Variants in SH3GL3 observed in about 807,000 individuals in gnomAD.
SH3GL3 encodes the protein SH3 domain containing GRB2 like 3, endophilin A3.
Under a neutral mutation model 47.7 loss-of-function variants are expected in SH3GL3, and 33 were observed. The ratio of observed to expected loss-of-function variants is 0.69; its 90% CI spans 0.52 to 0.92. SH3GL3 has a LOEUF of 0.92. Ranked by LOEUF, SH3GL3 falls within the 40% of genes least tolerant of loss-of-function variation. SH3GL3 has a pLI of 0.00. For missense variants in SH3GL3, 363 were observed against 417.8 expected, an observed-to-expected ratio of 0.87 and a Z score of 1.14; for synonymous variants, 155 against 148.8, an observed-to-expected ratio of 1.04 and a Z score of -0.30.
At chr15:83,597,064 A>G (rs912670653) in intron 8 of SH3GL3, among the ~76,000 whole-genome samples, 2 of 152,214 alleles carry the variant, frequency 1.3e-5, no homozygotes, top group Admixed American at 6.5e-5. Flanking sequence ...TGTGTGGTCT[A>G]AAATAACACA....
chr15:83,548,835 A>G (rs913153522), intron 1 of SH3GL3, among the ~76,000 whole-genome samples: 1 of 152,104 alleles, frequency 6.6e-6, no homozygotes, highest in African/African-American at 2.4e-5. Context: ...TCTATTTTGA[A>G]TAATTATTGT....
intron 8 of SH3GL3, among the ~76,000 whole-genome samples, chr15:83,599,362 C>T (rs764413856): frequency 1.3e-5 from 2 of 152,186 alleles, no homozygotes; most frequent in African/African-American, 2.4e-5. Flanking sequence ...CACCCTTTCT[C>T]TCAAGTCCCC....
intron 1 of SH3GL3, among the ~76,000 whole-genome samples, chr15:83,498,356 G>A (rs2042162215): frequency 6.6e-6 from 1 of 152,098 alleles, no homozygotes; most frequent in Non-Finnish European, 1.5e-5. Context: ...CTTTCCATGT[G>A]TCTTAGTTTC....
intron 1 of SH3GL3, among the ~76,000 whole-genome samples, chr15:83,474,269 A>T (rs2151539674): frequency 6.6e-6 from 1 of 152,242 alleles, no homozygotes; most frequent in Admixed American, 6.5e-5. Context: ...CTAAATGTCG[A>T]ATGAACATTC....
intron 1 of SH3GL3, among the ~76,000 whole-genome samples, chr15:83,483,008 G>C (rs2041435709): frequency 6.6e-6 from 1 of 152,140 alleles, no homozygotes; most frequent in East Asian, 1.9e-4. Flanking sequence ...GCACTGTTTT[G>C]ACTTTTCCTT....
downstream of SH3GL3, among the ~76,000 whole-genome samples, chr15:83,619,958 A>C (rs2060907998): frequency 6.6e-6 from 1 of 152,272 alleles, no homozygotes. Flanking sequence ...TATCAAGTTT[A>C]TGTAATATTC....
chr15:83,557,786 G>A (rs1302039687), intron 1 of SH3GL3, among the ~76,000 whole-genome samples: 1 of 152,198 alleles, frequency 6.6e-6, no homozygotes, highest in Non-Finnish European at 1.5e-5. Flanking sequence ...GCTTGTTTCT[G>A]TGGGGTCAAA....
intron 1 of SH3GL3, among the ~76,000 whole-genome samples, chr15:83,450,711 T>C (rs574063181): frequency 4.7e-5 from 7 of 150,174 alleles, no homozygotes; most frequent in East Asian, 3.9e-4. Flanking sequence ...TTTTCTTTTT[T>C]TTTTTTTTTC....
At chr15:83,615,519 CCAGGGT>C (rs1220450537) in intron 8 of SH3GL3, among the ~76,000 whole-genome samples, 3 of 152,058 alleles carry the variant, frequency 2.0e-5, no homozygotes, top group Non-Finnish European at 4.4e-5. Flanking sequence ...ACCATGTTGG[CCAGGGT>C]GGTCTCAAAC....
At chr15:83,507,422 TA>T (rs201052746) in intron 1 of SH3GL3, among the ~76,000 whole-genome samples, 27 of 150,484 alleles carry the variant, frequency 1.8e-4, no homozygotes, top group Non-Finnish European at 3.6e-4. Flanking sequence ...TTATTATTAT[TA>T]TTTTTTTTTT....
At chr15:83,578,445 T>C (rs2059743327) in intron 6 of SH3GL3, among the ~76,000 whole-genome samples, 1 of 152,210 alleles carries the variant, frequency 6.6e-6, no homozygotes, top group Admixed American at 6.5e-5. Context: ...TATTTAAAGG[T>C]ACACTGAGGT....
chr15:83,598,942 GTTATTTGAATAAAA>G, intron 8 of SH3GL3, among the ~76,000 whole-genome samples: 1 of 152,276 alleles, frequency 6.6e-6, no homozygotes, highest in East Asian at 1.9e-4. Flanking sequence ...TTCAGTGAAA[GTTATTTGAATAAAA>G]TTGATTTTAT....
intron 6 of SH3GL3, among the ~76,000 whole-genome samples, chr15:83,583,614 A>C (rs553125646): frequency 1.4e-4 from 22 of 152,226 alleles, no homozygotes; most frequent in African/African-American, 5.3e-4. Context: ...CAGGACTAAG[A>C]TACTCCCAAC....
In SH3GL3 at chr15:83,581,966, G is replaced by T. The variant is rs574621609; in HGVS notation, c.625-5017G>T. ...CCAACTTTCCAGGGATCCAAGAGGGGCAGTCCCATGACTGATTTCTCACCA... is the reference window on the plus strand; with the variant it reads ...CCAACTTTCCAGGGATCCAAGAGGGTCAGTCCCATGACTGATTTCTCACCA... On this transcript the variant is annotated intron_variant, in intron 6 of 8. Transcript: ENST00000427482. Among the ~76,000 whole-genome samples, 17 of 152,320 alleles carry T rather than the reference G, an allele frequency of 1.1e-4. No homozygotes were observed. In the East Asian group the frequency reaches 3.1e-3, roughly 28 times the overall value.
chr15:83,587,242 G>A (rs1278936392), intron 7 of SH3GL3, among the ~76,000 whole-genome samples, 156 bp downstream of exon 7: 2 of 152,108 alleles, frequency 1.3e-5, no homozygotes, highest in East Asian at 1.9e-4. Flanking sequence ...ATGTGGGATG[G>A]GACTGAGATA....
intron 1 of SH3GL3, among the ~76,000 whole-genome samples, chr15:83,511,287 CAGA>C (rs1260497498): frequency 6.6e-6 from 1 of 152,112 alleles, no homozygotes; most frequent in Non-Finnish European, 1.5e-5. Context: ...GGACTACAGG[CAGA>C]AGTAGGGCTG....
intron 6 of SH3GL3, among the ~76,000 whole-genome samples, chr15:83,583,067 T>G (rs1232186341): frequency 6.6e-6 from 1 of 152,238 alleles, no homozygotes; most frequent in African/African-American, 2.4e-5. Context: ...ATTACTGGTA[T>G]TATTACACTG....
chr15:83,458,217 A>G (rs1293531301), intron 1 of SH3GL3, among the ~76,000 whole-genome samples: 4 of 152,218 alleles, frequency 2.6e-5, no homozygotes, highest in African/African-American at 4.8e-5. Flanking sequence ...TGTTGAGCTG[A>G]GGGGAGAGTC....
chr15:83,611,038 CTA>C (rs368559406), intron 8 of SH3GL3, among the ~76,000 whole-genome samples: 17 of 147,998 alleles, frequency 1.1e-4, no homozygotes, highest in Admixed American at 1.4e-4. Context: ...GTGTGTGTGT[CTA>C]TATATATATA....
Sources: gnomAD v4.1 joint callset for allele counts (sites outside exome capture counted in the v4.1 genomes callset) on GRCh38, gnomAD v4.1.1 for gene constraint, MANE v1.5 for transcripts, NCBI Gene and HGNC (gene_info 2026-07-23, HGNC 2026-07-21) for gene names.